Variants in CABCOCO1 observed in about 807,000 individuals in gnomAD.
The protein encoded by CABCOCO1 is ciliary associated calcium binding coiled-coil 1.
Under a neutral mutation model 35.7 loss-of-function variants are expected in CABCOCO1, and 28 were observed. The observed-to-expected ratio is 0.78, with a 90% CI of 0.58 to 1.07. The LOEUF (loss-of-function observed/expected upper bound fraction) is 1.07, where lower values mean the gene tolerates loss of function less well. Ranked by LOEUF, CABCOCO1 falls within the 50% of genes least tolerant of loss-of-function variation. CABCOCO1 has a pLI of 0.00. For missense variants in CABCOCO1, 326 were observed against 309.2 expected, an observed-to-expected ratio of 1.05 and a Z score of -0.41; for synonymous variants, 95 against 100.1, an observed-to-expected ratio of 0.95 and a Z score of 0.30.
chr10:61,714,868 T>A (rs923242213), intron 5 of CABCOCO1, among the ~76,000 whole-genome samples: 2 of 152,218 alleles, frequency 1.3e-5, no homozygotes, highest in African/African-American at 4.8e-5. Flanking sequence ...TGCACTGTGG[T>A]CTGAGAGACA....
chr10:61,711,431 G>A (rs1237304766), intron 5 of CABCOCO1, among the ~76,000 whole-genome samples: 2 of 151,930 alleles, frequency 1.3e-5, no homozygotes, highest in South Asian at 2.1e-4. Context: ...AAATCATCAA[G>A]AGGACATAAA....
Position 61,731,627 on chromosome 10 carries a change from G to C in CABCOCO1, c.553-28432G>C, listed in dbSNP as rs573950019. Among the ~76,000 whole-genome samples the C allele has an allele frequency of 4.6e-5, 7 of 151,742 alleles. No homozygotes were observed. The East Asian group carries it at 1.2e-3, about 25-fold the overall frequency. On this transcript the variant is annotated intron_variant, in intron 5 of 7. Coordinates refer to ENST00000648843, the MANE Select transcript of CABCOCO1 (RefSeq NM_001366906.2). ...GATTTTTGCAGCAAAATTTTGATTA[G>C]TGCTTAATGGAGCATTTTGCTTAAC... is the stretch of plus-strand genomic sequence containing the variant.
intron 5 of CABCOCO1, among the ~76,000 whole-genome samples, chr10:61,753,739 T>A (rs1328887021): frequency 6.6e-6 from 1 of 152,166 alleles, no homozygotes; most frequent in Non-Finnish European, 1.5e-5. Context: ...CTTGCCCTAA[T>A]CCTGATCATG....
intron 5 of CABCOCO1, among the ~76,000 whole-genome samples, chr10:61,757,678 G>T (rs1004188720): frequency 1.5e-5 from 2 of 134,842 alleles, no homozygotes; most frequent in East Asian, 4.3e-4. Flanking sequence ...CCAAGTGTGT[G>T]CCCAGTACAC....
chr10:61,696,822 A>G (rs1255920307), intron 5 of CABCOCO1, among the ~76,000 whole-genome samples: 1 of 152,050 alleles, frequency 6.6e-6, no homozygotes, highest in Admixed American at 6.6e-5. Flanking sequence ...TATTTTATAC[A>G]CAAATAGTTT....
intron 5 of CABCOCO1, among the ~76,000 whole-genome samples, chr10:61,737,596 C>T (rs1408150816): frequency 6.6e-6 from 1 of 152,112 alleles, no homozygotes; most frequent in East Asian, 1.9e-4. Flanking sequence ...AAATGTGGTA[C>T]ATATACACCA....
intron 5 of CABCOCO1, among the ~76,000 whole-genome samples, chr10:61,731,801 G>A (rs990630295): frequency 7.3e-6 from 1 of 137,494 alleles, no homozygotes; most frequent in South Asian, 2.5e-4. Flanking sequence ...GGAAGGGGGG[G>A]AAAGTTTCTT....
intron 5 of CABCOCO1, among the ~76,000 whole-genome samples, chr10:61,754,913 T>C (rs2588992): frequency 0.83 from 125,624 of 152,100 alleles, 51,957 homozygotes; most frequent in East Asian, 0.91. Flanking sequence ...ATTCATACTC[T>C]GCAGAAGCCT....
chr10:61,683,289 G>C (rs1589119156), intron 3 of CABCOCO1, among the ~76,000 whole-genome samples: 1 of 152,244 alleles, frequency 6.6e-6, no homozygotes, highest in East Asian at 1.9e-4. Context: ...GCCAGGTGTA[G>C]TGGCTCATAC....
chr10:61,683,137 C>T (rs1039959174), intron 3 of CABCOCO1, among the ~76,000 whole-genome samples: 3 of 152,020 alleles, frequency 2.0e-5, no homozygotes, highest in Admixed American at 6.6e-5. Flanking sequence ...GTGATCTGCC[C>T]GCCTCAGCTT....
chr10:61,684,544 C>T lies in CABCOCO1; in HGVS notation c.335-1497C>T, dbSNP rs142336639. On this transcript the variant is annotated intron_variant, in intron 3 of 7. Transcript: ENST00000648843. ...ATTCCCTTCCAAATCAACATTACAA[C>T]AAGTGTAATGTTGACTGATGGTTTC... is the stretch of plus-strand genomic sequence containing the variant. Among the ~76,000 whole-genome samples, 452 of 152,250 alleles carry T rather than the reference C, an allele frequency of 3.0e-3. 1 individual carries two copies. The highest frequency in any genetic ancestry group is 5.3e-3 in the Non-Finnish European group (358 of 68,022).
chr10:61,712,582 G>T (rs1486733665), intron 5 of CABCOCO1, among the ~76,000 whole-genome samples: 1 of 152,130 alleles, frequency 6.6e-6, no homozygotes, highest in Non-Finnish European at 1.5e-5. Context: ...CCTTGCCCAT[G>T]CCTATGTCCT....
In CABCOCO1 at chr10:61,766,500, T is replaced by C. The variant is rs1198457716; in HGVS notation, c.*487T>C. On this transcript the variant is annotated 3_prime_UTR_variant, in exon 8 of 8. Coordinates refer to ENST00000648843, the MANE Select transcript of CABCOCO1 (RefSeq NM_001366906.2). ...TAAACAATAGCAATTCAAATGCATA[T>C]ATGAGGTTTTTTTTTTTTTTACTGA... is the stretch of plus-strand genomic sequence containing the variant. 2.1e-5 allele frequency: 2 copies of C among 94,474 alleles called. No individual in the cohort carries two copies. The highest frequency in any genetic ancestry group is 8.9e-5 in the African/African-American group (2 of 22,522). 5.9% of individuals were successfully genotyped at this position (94,474 alleles called of 1,614,324 possible).
chr10:61,714,510 T>G (rs955924914), intron 5 of CABCOCO1, among the ~76,000 whole-genome samples: 2 of 152,076 alleles, frequency 1.3e-5, no homozygotes, highest in African/African-American at 2.4e-5. Context: ...TCTCTATCTC[T>G]TTCAGTCCTG....
chr10:61,764,997 C>G (rs1842078184), intron 7 of CABCOCO1, among the ~76,000 whole-genome samples: 1 of 151,992 alleles, frequency 6.6e-6, no homozygotes, highest in South Asian at 2.1e-4. Flanking sequence ...TAAATGTCTT[C>G]TATCTAAATT....
intron 1 of CABCOCO1, chr10:61,663,240 C>A (rs71507180): frequency 0.1 from 17,001 of 163,338 alleles, 1,106 homozygotes; most frequent in Admixed American, 0.17. Context: ...CCGGCGCCCC[C>A]CAGCCGGCCC....
chr10:61,710,284 GT>G, intron 5 of CABCOCO1, among the ~76,000 whole-genome samples: 1 of 90,572 alleles, frequency 1.1e-5, no homozygotes, highest in African/African-American at 3.4e-5. Flanking sequence ...GTGTGTGTGT[GT>G]GTGTGTGTGT....
At chr10:61,703,300 T>G (rs1401714764) in intron 5 of CABCOCO1, among the ~76,000 whole-genome samples, 2 of 148,592 alleles carry the variant, frequency 1.3e-5, no homozygotes, top group African/African-American at 5.0e-5. Context: ...AAGAGGTAGA[T>G]CATCCATTAT....
chr10:61,693,881 A>T (rs61850475), intron 5 of CABCOCO1, among the ~76,000 whole-genome samples: 1,909 of 152,106 alleles, frequency 0.013, 15 homozygotes, highest in Middle Eastern at 0.037. Context: ...AAAAAAAAAT[A>T]ACAGGTGAAC....
Sources: gnomAD v4.1 joint callset for allele counts (sites outside exome capture counted in the v4.1 genomes callset) on GRCh38, gnomAD v4.1.1 for gene constraint, MANE v1.5 for transcripts, NCBI Gene and HGNC (gene_info 2026-07-23, HGNC 2026-07-21) for gene names.